Variants in TUBGCP6 observed in about 807,000 individuals in gnomAD.
TUBGCP6 encodes tubulin gamma complex component 6, also known as gamma-tubulin complex component 6.
Under a neutral mutation model 175.8 loss-of-function variants are expected in TUBGCP6, and 161 were observed. That is an observed-to-expected ratio of 0.92 (90% CI 0.81 to 1.04). The LOEUF (loss-of-function observed/expected upper bound fraction) is 1.04, where lower values mean the gene tolerates loss of function less well. Among genes scored for constraint, TUBGCP6 ranks in the 50% least tolerant of loss-of-function variants. The pLI is 0.00. For missense variants in TUBGCP6, 2,572 were observed against 2,433.0 expected (o/e 1.06, Z -1.20); for synonymous variants, 1,173 against 1,030.5 (o/e 1.14, Z -2.65).
chr22:50,243,721 T>C lies in TUBGCP6; in HGVS notation c.739A>G (p.Lys247Glu). 1 of 1,607,438 alleles carries C rather than the reference T, an allele frequency of 6.2e-7. No individual in the cohort carries two copies. The highest frequency in any genetic ancestry group is 1.3e-5 in the African/African-American group (1 of 74,730). ...DNADLSGLAI[K>E]VPPSVDQWED... ...AGAGGAAAAACTAAACATTCTACCT[T>C]AATAGCCAGCCCAGAGAGGTCCGCA... Residue 247 changes from lysine (K) to glutamate (E), a missense_variant and splice_region_variant, in exon 1 of 25, where the codon AAG becomes GAG. Transcript: ENST00000248846.
At position 50,245,003 on chromosome 22, in the gene TUBGCP6, G is replaced by A. The variant is rs755240965; in HGVS notation, c.-544C>T. ...GGCTGCCGCTCTCGCCGCCTCCGTC[G>A]CGTCACAGCCGCGCCAGTGTGAAGA... On this transcript the variant is annotated 5_prime_UTR_variant, in exon 1 of 25. Coordinates refer to ENST00000248846, the MANE Select transcript of TUBGCP6 (RefSeq NM_020461.4). 4.4e-6 allele frequency: 1 copy of A among 225,150 alleles called. No individual in the cohort carries two copies. 13.9% of individuals were successfully genotyped at this position (225,150 alleles called of 1,614,324 possible).
Position 50,226,744 on chromosome 22 carries a change from C to A in TUBGCP6, c.1590G>T (p.Glu530Asp), listed in dbSNP as rs2064617016. ...AGCCCACTGCCCACCGGGTGTAGGG[C>A]TCGCAGCTGGTCTTCAGCAGGGACA... ...VLLSLLKTSCEPYTRFIHDWV... is the reference protein window; with the variant it reads ...VLLSLLKTSCDPYTRFIHDWV... Residue 530 changes from glutamate to aspartate, a missense_variant, in exon 7 of 25, where the codon GAG becomes GAT. By Grantham distance (45) the Glu-to-Asp change is conservative. Transcript: ENST00000248846. The A allele has an allele frequency of 1.9e-6, 3 of 1,584,168 alleles. No homozygotes were observed. Among genetic ancestry groups the A allele is most frequent in the Middle Eastern group, 3.3e-4 (2 of 6,002 alleles).
chr22:50,219,471 G>A lies in TUBGCP6; in HGVS notation c.4316-15C>T. On this transcript the variant is annotated splice_polypyrimidine_tract_variant and intron_variant, in intron 18 of 24. Transcript: ENST00000248846. ...GGGCGGCTCGGCTGCGGGAGATGGA[G>A]CACGCACGTGCTGGGAACCGGCCAG... 1 of 1,588,532 alleles carries A rather than the reference G, an allele frequency of 6.3e-7. No homozygotes were observed. The highest frequency in any genetic ancestry group is 1.1e-5 in the South Asian group (1 of 88,548).
rs767340363 is a variant in TUBGCP6, at chr22:50,226,068, C to T, written c.1815G>A (p.Leu605=). 1 of 1,614,182 alleles carries T rather than the reference C, an allele frequency of 6.2e-7. No homozygotes were observed. The highest frequency in any genetic ancestry group is 8.5e-7 in the Non-Finnish European group (1 of 1,180,046). The change falls in exon 9 of 25, where the codon CTG becomes CTA. Residue 605 remains leucine, a synonymous_variant. Coordinates refer to ENST00000248846, the MANE Select transcript of TUBGCP6 (RefSeq NM_020461.4). The stretch of plus-strand genomic sequence containing the variant: ...TCCTCACCCGGGGGCAGCAGAGCTT[C>T]AGCAGGTTAATGGTCTTTCCGCAGA... ...IYVCGKTINL[L]KLCCPRHYLC...
At position 50,227,057 on chromosome 22, in the gene TUBGCP6, C is replaced by A; in HGVS notation, c.1433G>T (p.Gly478Val). The A allele has an allele frequency of 6.2e-7, 1 of 1,611,940 alleles. No homozygotes were observed. ...RQLRYLAELC[G>V]VGAVLPGTCG... ...GGTGCCCGGGAGCACAGCGCCAACG[C>A]CACAGAGCTCGGCCAGGTACCTAGA... The change falls in exon 6 of 25, where the codon GGC becomes GTC. Residue 478 changes from glycine (G) to valine (V), a missense_variant. Gly to Val is a moderately radical substitution (Grantham distance 109, BLOSUM62 -3). Transcript: ENST00000248846.
Position 50,220,543 on chromosome 22 carries a change from G to C in TUBGCP6, c.3816C>G (p.Ile1272Met), listed in dbSNP as rs558355641. The C allele has an allele frequency of 1.9e-6, 3 of 1,613,596 alleles. No individual in the cohort carries two copies. Among genetic ancestry groups the C allele is most frequent in the South Asian group, 1.1e-5 (1 of 91,086 alleles). Residue 1272 changes from isoleucine to methionine, a missense_variant, in exon 16 of 25, where the codon ATC becomes ATG. Physicochemically the swap from Ile to Met is conservative, Grantham distance 10. Coordinates refer to ENST00000248846, the MANE Select transcript of TUBGCP6 (RefSeq NM_020461.4). ...CCCCCAGCACCATGTGGGGCGGAGG[G>C]ATGGGTACATGGGTGTTCCACCGTG... is the stretch of plus-strand genomic sequence containing the variant. Reference protein sequence around the residue: ...TRPRWNTHVPIPPPHMVLGAL... With the variant: ...TRPRWNTHVPMPPPHMVLGAL...
rs187703493 is a variant in TUBGCP6 at position 50,228,117 on chromosome 22, G to A, written c.1291-89C>T. ...GAGGGGCACCAGTGCTGGGAACAGC[G>A]CTTTGTTTCTTGCCTCAGCTCTGGG... On this transcript the variant is annotated intron_variant, in intron 4 of 24. Transcript: ENST00000248846. 287 of 1,390,578 alleles carry A rather than the reference G, an allele frequency of 2.1e-4. 1 individual carries two copies. In the African/African-American group the frequency reaches 3.2e-3, roughly 16 times the overall value. 86.1% of individuals were successfully genotyped at this position (1,390,578 alleles called of 1,614,324 possible).
Position 50,226,325 on chromosome 22 carries a change from A to C in TUBGCP6, c.1655T>G (p.Phe552Cys). ...GTACTCGTGGTTCACCTGAATCATGAACTCGCCATAAGCGTCTCTGAACAC... is the reference window on the plus strand; with the variant it reads ...GTACTCGTGGTTCACCTGAATCATGCACTCGCCATAAGCGTCTCTGAACAC... The part of the protein sequence containing the change: ...SGVFRDAYGE[F>C]MIQVNHEYLS... The change falls in exon 8 of 25, where the codon TTC becomes TGC. Residue 552 changes from phenylalanine (F) to cysteine (C), a missense_variant. Phe to Cys is a radical substitution (Grantham distance 205). Coordinates refer to ENST00000248846, the MANE Select transcript of TUBGCP6 (RefSeq NM_020461.4). 1 of 1,613,738 alleles carries C rather than the reference A, an allele frequency of 6.2e-7. No individual in the cohort carries two copies. The highest frequency in any genetic ancestry group is 8.5e-7 in the Non-Finnish European group (1 of 1,179,890).
chr22:50,229,306 C>T, intron 4 of TUBGCP6, 98 bp downstream of exon 4: 1 of 1,349,022 alleles, frequency 7.4e-7, no homozygotes, highest in South Asian at 1.4e-5. Flanking sequence ...AAGGTTTAGA[C>T]TCTCTGGTCC....
In TUBGCP6 at chr22:50,224,493, G is replaced by A. The variant is rs765962819; in HGVS notation, c.2065+18C>T. The A allele has an allele frequency of 2.5e-6, 4 of 1,614,184 alleles. No homozygotes were observed. The South Asian group carries it at 3.3e-5, about 13-fold the overall frequency. ...AGGCCCCCCGGAACTGCAGAAGGGAGGACTTGGGGCCACTCACCACTCAGT... is the reference window on the plus strand; with the variant it reads ...AGGCCCCCCGGAACTGCAGAAGGGAAGACTTGGGGCCACTCACCACTCAGT... On this transcript the variant is annotated intron_variant, in intron 11 of 24. Transcript: ENST00000248846.
rs1287499607 is a variant in TUBGCP6, at chr22:50,226,200, G to C, written c.1694-11C>G. Reference sequence around the variant, plus strand: ...TCCAGTACAACTTATCTAAGGTAGGGTGAACACCACGGTGGCCGGCATGGC... The same window carrying C: ...TCCAGTACAACTTATCTAAGGTAGGCTGAACACCACGGTGGCCGGCATGGC... On this transcript the variant is annotated splice_polypyrimidine_tract_variant and intron_variant, in intron 8 of 24. Coordinates refer to ENST00000248846, the MANE Select transcript of TUBGCP6 (RefSeq NM_020461.4). The C allele has an allele frequency of 6.2e-7, 1 of 1,614,072 alleles. No homozygotes were observed. Among genetic ancestry groups the C allele is most frequent in the Admixed American group, 1.7e-5 (1 of 60,038 alleles).
In TUBGCP6 at chr22:50,243,982, C is replaced by T. The variant is rs1465401356; in HGVS notation, c.478G>A (p.Val160Ile). The stretch of plus-strand genomic sequence containing the variant: ...TCTTCTCTGGAGATCAGAGACTGAA[C>T]GTCCATCTCAAACACACTCAGGTCG... ...CDDLSVFEMD[V>I]QSLISREECL... Residue 160 changes from valine to isoleucine, a missense_variant, in exon 1 of 25, where the codon GTT becomes ATT. By Grantham distance (29) the Val-to-Ile change is conservative. Transcript: ENST00000248846. 5.6e-6 allele frequency: 9 copies of T among 1,614,042 alleles called. No individual in the cohort carries two copies. The highest frequency in any genetic ancestry group is 1.7e-5 in the Admixed American group (1 of 60,008).
chr22:50,219,490 C>T (rs532051202), intron 18 of TUBGCP6, 34 bp from the exon 19 acceptor site: 255 of 1,595,006 alleles, frequency 1.6e-4, no homozygotes, highest in South Asian at 2.6e-4. Context: ...TGCTGGGAAC[C>T]GGCCAGCCCA....
In TUBGCP6 at chr22:50,218,507, G is replaced by A; in HGVS notation, c.4935C>T (p.Cys1645=). The A allele has an allele frequency of 4.3e-6, 7 of 1,613,660 alleles. No individual in the cohort carries two copies. The highest frequency in any genetic ancestry group is 5.9e-6 in the Non-Finnish European group (7 of 1,179,964). ...KLMMWALKDV[C]FHLKRTALLS... is the part of the protein sequence containing the mutation. ...CCTCACCTGTGCGCTTGAGGTGGAA[G>A]CAGACGTCCTTGAGCGCCCACATCA... The change falls in exon 22 of 25, where the codon TGC becomes TGT. Residue 1645 remains cysteine, a synonymous_variant. Transcript: ENST00000248846.
At chr22:50,231,859 CA>C (rs71198231) in intron 3 of TUBGCP6, among the ~76,000 whole-genome samples, 36 of 123,036 alleles carry the variant, frequency 2.9e-4, no homozygotes, top group Admixed American at 1.4e-3. Context: ...GACTCCGTCT[CA>C]AAAAAAAAAA....
rs961868989 is a variant in TUBGCP6 at position 50,219,014 on chromosome 22, C to T, written c.4626+54G>A. 1.6e-5 allele frequency: 25 copies of T among 1,604,612 alleles called. 1 individual carries two copies. Among genetic ancestry groups the T allele is most frequent in the African/African-American group, 1.2e-4 (9 of 74,808 alleles). On this transcript the variant is annotated intron_variant, in intron 20 of 24. Coordinates refer to ENST00000248846, the MANE Select transcript of TUBGCP6 (RefSeq NM_020461.4). The stretch of plus-strand genomic sequence containing the variant: ...GGCTGTGGGCGTGCAGCCAGTCTCT[C>T]TTTTCCCACGGCCTCCCCTCTACCA...
rs973457393 is a variant in TUBGCP6, at chr22:50,230,686, G to A, written c.1117-1109C>T. ...CCAGCTACTCGGGAGGCTGAGGCAG[G>A]AGGATCAATTTGAGCCTAGGAAGTT... On this transcript the variant is annotated intron_variant, in intron 3 of 24. Transcript: ENST00000248846. 6.6e-5 allele frequency among the ~76,000 whole-genome samples: 10 copies of A among 151,574 alleles called. 1 individual carries two copies. The highest frequency in any genetic ancestry group is 2.4e-4 in the African/African-American group (10 of 41,222).
Position 50,244,834 on chromosome 22 carries a change from G to A in TUBGCP6, c.-375C>T, listed in dbSNP as rs1217358632. 3 of 238,360 alleles carry A rather than the reference G, an allele frequency of 1.3e-5. No homozygotes were observed. The highest frequency in any genetic ancestry group is 2.5e-5 in the Non-Finnish European group (3 of 120,764). 14.8% of individuals were successfully genotyped at this position (238,360 alleles called of 1,614,324 possible). ...ACTCGGCTTTGCACCCGTTCTTCGG[G>A]ACCCACGAGAGGAGACGGCCAGGAG... On this transcript the variant is annotated 5_prime_UTR_variant, in exon 1 of 25. Coordinates refer to ENST00000248846, the MANE Select transcript of TUBGCP6 (RefSeq NM_020461.4).
chr22:50,219,480 T>C, intron 18 of TUBGCP6, 24 bp from the exon 19 acceptor site: 1 of 1,593,898 alleles, frequency 6.3e-7, no homozygotes, highest in Non-Finnish European at 8.5e-7. Context: ...AGCACGCACG[T>C]GCTGGGAACC....
Sources: gnomAD v4.1 joint callset for allele counts (sites outside exome capture counted in the v4.1 genomes callset) on GRCh38, gnomAD v4.1.1 for gene constraint, MANE v1.5 for transcripts, NCBI Gene and HGNC (gene_info 2026-07-23, HGNC 2026-07-21) for gene names.